GLIS3: variants seen among roughly 807,000 people sequenced by gnomAD.
GLIS3 encodes zinc finger protein GLIS3.
In GLIS3, 53 loss-of-function variants were observed where a neutral mutation model predicts 78.6. The ratio of observed to expected loss-of-function variants is 0.67; its 90% CI spans 0.54 to 0.85. The LOEUF is 0.85. Among genes scored for constraint, GLIS3 ranks in the 40% least tolerant of loss-of-function variants. The pLI is 0.00. For synonymous variants in GLIS3, 684 were observed against 509.9 expected (o/e 1.34, Z -4.60); for missense variants, 1,703 against 1,231.1 (o/e 1.38, Z -5.74).
intron 2 of GLIS3, among the ~76,000 whole-genome samples, chr9:4,248,044 C>G (rs993962368): frequency 1.3e-5 from 2 of 152,184 alleles, no homozygotes; most frequent in African/African-American, 4.8e-5. Flanking sequence ...CCCTTCACTC[C>G]TCTCCTACCC....
the GLIS3 span, among the ~76,000 whole-genome samples, chr9:4,397,876 A>G: frequency 1.3e-5 from 2 of 151,870 alleles, no homozygotes; most frequent in African/African-American, 4.9e-5. Flanking sequence ...AAATGAGCAT[A>G]CTGTCAAGCA....
intron 2 of GLIS3, among the ~76,000 whole-genome samples, chr9:4,223,880 C>A (rs187949301): frequency 8.4e-4 from 128 of 152,094 alleles, no homozygotes; most frequent in East Asian, 6.4e-3. Flanking sequence ...GACCTGTTCT[C>A]TAATAAATTT....
At chr9:4,335,976 G>T (rs1417258580) in intron 2 of GLIS3, among the ~76,000 whole-genome samples, 2 of 152,210 alleles carry the variant, frequency 1.3e-5, no homozygotes, top group Admixed American at 6.5e-5. Flanking sequence ...TGATGAAGAA[G>T]AAAGGGCAGG....
At chr9:4,026,521 GA>G (rs545492991) in intron 4 of GLIS3, among the ~76,000 whole-genome samples, 44 of 151,964 alleles carry the variant, frequency 2.9e-4, no homozygotes, top group African/African-American at 9.9e-4. Context: ...CAAAAAGGAG[GA>G]AAAAAATCTA....
chr9:3,928,802 A>G (rs1260519456), intron 6 of GLIS3, among the ~76,000 whole-genome samples: 1 of 152,248 alleles, frequency 6.6e-6, no homozygotes, highest in African/African-American at 2.4e-5. Flanking sequence ...TCAATGTTTA[A>G]CAAACATTTA....
chr9:4,221,465 T>C (rs184774298), intron 2 of GLIS3, among the ~76,000 whole-genome samples: 3 of 152,296 alleles, frequency 2.0e-5, no homozygotes, highest in East Asian at 3.9e-4. Flanking sequence ...GGTCCATGAA[T>C]TAGCTGGAAA....
intron 2 of GLIS3, among the ~76,000 whole-genome samples, chr9:4,140,836 T>A (rs1180159696): frequency 1.3e-5 from 2 of 151,898 alleles, no homozygotes; most frequent in Admixed American, 6.6e-5. Flanking sequence ...TTTGCTCTTA[T>A]TGCCCAGATT....
chr9:4,125,113 A>T (rs570548588), intron 3 of GLIS3, among the ~76,000 whole-genome samples: 28 of 152,320 alleles, frequency 1.8e-4, no homozygotes, highest in Middle Eastern at 3.4e-3. Flanking sequence ...TATGGAACCT[A>T]ATCGACATTG....
Position 4,125,719 on chromosome 9 carries a change from A to T in GLIS3, c.596+15T>A. 1.2e-6 allele frequency: 2 copies of T among 1,608,132 alleles called. No homozygotes were observed. The highest frequency in any genetic ancestry group is 1.1e-5 in the South Asian group (1 of 90,942). The stretch of plus-strand genomic sequence containing the variant: ...TATACCATAAAGAAAGGGGAAAAAA[A>T]AGTTAACTTGAGACCTGGTATCTGA... On this transcript the variant is annotated intron_variant, in intron 3 of 10. Transcript: ENST00000381971.
chr9:3,897,073 C>G (rs10974063), intron 7 of GLIS3, among the ~76,000 whole-genome samples: 42,738 of 152,012 alleles, frequency 0.28, 7,122 homozygotes, highest in East Asian at 0.43. Context: ...GTGACAGTTT[C>G]GAAAATGAGC....
intron 2 of GLIS3, among the ~76,000 whole-genome samples, chr9:4,284,744 CA>C (rs796997240): frequency 2.4e-3 from 291 of 123,782 alleles, no homozygotes; most frequent in Middle Eastern, 4.1e-3. Flanking sequence ...AATCCTGTCT[CA>C]AAAAAAAAAA....
chr9:4,345,115 T>C (rs546982952), intron 2 of GLIS3, among the ~76,000 whole-genome samples: 1 of 152,158 alleles, frequency 6.6e-6, no homozygotes, highest in Non-Finnish European at 1.5e-5. Flanking sequence ...AGTTTCCCCC[T>C]CAGAGCAAAA....
intron 9 of GLIS3, among the ~76,000 whole-genome samples, chr9:3,835,394 G>A (rs1236074957): frequency 6.6e-6 from 1 of 152,180 alleles, no homozygotes. Flanking sequence ...GTCAGGCTTG[G>A]CAGGATCCTC....
the GLIS3 span, among the ~76,000 whole-genome samples, chr9:4,381,477 A>C: frequency 6.6e-6 from 1 of 152,234 alleles, no homozygotes; most frequent in Non-Finnish European, 1.5e-5. Flanking sequence ...GGGTAAATCA[A>C]GTTAACACAG....
At chr9:4,153,615 A>C (rs1384074264) in intron 2 of GLIS3, among the ~76,000 whole-genome samples, 1 of 152,016 alleles carries the variant, frequency 6.6e-6, no homozygotes, top group Non-Finnish European at 1.5e-5. Context: ...AAACTAAATA[A>C]AGAAAGAGAA....
intron 5 of GLIS3, 67 bp downstream of exon 5, chr9:3,936,961 C>G: frequency 6.3e-7 from 1 of 1,599,246 alleles, no homozygotes; most frequent in South Asian, 1.1e-5. Context: ...CACCAGCCCA[C>G]TATCAAGCAG....
At chr9:4,449,992 T>C in the GLIS3 span, among the ~76,000 whole-genome samples, 1 of 152,138 alleles carries the variant, frequency 6.6e-6, no homozygotes. Flanking sequence ...GGAGGGGGAA[T>C]GACTTTGATT....
At chr9:3,897,420 T>A (rs570765190) in intron 7 of GLIS3, among the ~76,000 whole-genome samples, 4 of 152,112 alleles carry the variant, frequency 2.6e-5, no homozygotes, top group Non-Finnish European at 4.4e-5. Context: ...AAACAAAAGC[T>A]AGTCATGGTT....
chr9:3,869,843 G>A (rs1820859805), intron 8 of GLIS3, among the ~76,000 whole-genome samples: 1 of 152,164 alleles, frequency 6.6e-6, no homozygotes, highest in Non-Finnish European at 1.5e-5. Flanking sequence ...CTGGTAAATA[G>A]CATATACATG....
Sources: allele counts gnomAD v4.1 joint callset (sites outside exome capture counted in the v4.1 genomes callset), GRCh38; gene constraint gnomAD v4.1.1; transcripts MANE v1.5; gene names NCBI Gene and HGNC (gene_info 2026-07-23, HGNC 2026-07-21).